The following NTN4 variants were observed in gnomAD, a reference collection of about 807,000 sequenced individuals.
NTN4 encodes the protein netrin 4, also known as netrin-4.
In NTN4, 32 loss-of-function variants were observed where a neutral mutation model predicts 73.6. That is an observed-to-expected ratio of 0.44 (90% confidence interval 0.33 to 0.58). The LOEUF (loss-of-function observed/expected upper bound fraction) is 0.58, where lower values mean the gene tolerates loss of function less well. NTN4 is among the 20% of genes least tolerant of loss of function. The pLI is 0.04. For synonymous variants in NTN4, 258 were observed against 287.5 expected (o/e 0.90, Z 1.04); for missense variants, 654 against 798.3 (o/e 0.82, Z 2.18).
At chr12:95,680,743 G>A (rs1225179302) in intron 7 of NTN4, among the ~76,000 whole-genome samples, 1 of 152,116 alleles carries the variant, frequency 6.6e-6, no homozygotes, top group East Asian at 1.9e-4. Context: ...CTCTTTCTAT[G>A]TTGTCCCAGA....
chr12:95,769,917 C>T lies in NTN4; in HGVS notation c.585+17022G>A, dbSNP rs192635669. Among the ~76,000 whole-genome samples, 52 of 152,140 alleles carry T rather than the reference C, an allele frequency of 3.4e-4. No individual in the cohort carries two copies. The East Asian group carries it at 7.2e-3, about 21-fold the overall frequency. On this transcript the variant is annotated intron_variant, in intron 2 of 9. Coordinates refer to ENST00000343702, the MANE Select transcript of NTN4 (RefSeq NM_021229.4). ...GATTATAAGCTTGCGCCACCACACCCGGCTAATTTTTGTCTTTTTTGTAGA... is the reference window on the plus strand; with the variant it reads ...GATTATAAGCTTGCGCCACCACACCTGGCTAATTTTTGTCTTTTTTGTAGA...
At chr12:95,680,732 G>A (rs1358464733) in intron 7 of NTN4, among the ~76,000 whole-genome samples, 3 of 152,076 alleles carry the variant, frequency 2.0e-5, no homozygotes, top group African/African-American at 4.8e-5. Flanking sequence ...TCAGAGATGG[G>A]CTCTTTCTAT....
intron 2 of NTN4, among the ~76,000 whole-genome samples, chr12:95,785,247 G>C (rs1174631637): frequency 6.6e-6 from 1 of 152,194 alleles, no homozygotes; most frequent in Admixed American, 6.5e-5. Context: ...GATACACAAG[G>C]CCCAGTAGCA....
rs1565903678 is a variant in NTN4 at position 95,741,438 on chromosome 12, TATATATATA to T, written c.586-3303_586-3295del. Reference sequence around the variant, plus strand: ...AAATTATGTATAAATTATATATATATATATATATATATATATATATATATATATATATAT... The same window carrying T: ...AAATTATGTATAAATTATATATATATTATATATATATATATATATATATAT... On this transcript the variant is annotated intron_variant, in intron 2 of 9. Transcript: ENST00000343702. Among the ~76,000 whole-genome samples, 437 of 101,048 alleles carry T rather than the reference TATATATATA, an allele frequency of 4.3e-3. 11 individuals are homozygous for T. The highest frequency in any genetic ancestry group is 8.7e-3 in the African/African-American group (239 of 27,518). 66.3% of individuals were successfully genotyped at this position (101,048 alleles called of 152,430 possible). A position where few individuals can be genotyped will look rare whatever the true frequency, so the allele number is the denominator to read the frequency against.
At chr12:95,741,463 A>ATC (rs1565903719) in intron 2 of NTN4, among the ~76,000 whole-genome samples, 126 of 119,804 alleles carry the variant, frequency 1.1e-3, no homozygotes, top group African/African-American at 3.9e-3. Flanking sequence ...ATATATATAT[A>ATC]TATATATATA....
At chr12:95,771,047 T>C (rs1483722694) in intron 2 of NTN4, among the ~76,000 whole-genome samples, 1 of 147,454 alleles carries the variant, frequency 6.8e-6, no homozygotes, top group African/African-American at 2.6e-5. Context: ...TGGAGTGCAG[T>C]GGCGCGATCT....
intron 2 of NTN4, among the ~76,000 whole-genome samples, chr12:95,750,627 C>G (rs1487314614): frequency 6.6e-6 from 1 of 152,026 alleles, no homozygotes; most frequent in Non-Finnish European, 1.5e-5. Flanking sequence ...CCCTTCCTAG[C>G]CTCTGTGCCC....
At chr12:95,755,549 C>T (rs568928924) in intron 2 of NTN4, among the ~76,000 whole-genome samples, 123 of 152,268 alleles carry the variant, frequency 8.1e-4, no homozygotes, top group African/African-American at 2.9e-3. Context: ...GCACCAAAAT[C>T]CTTTTGCTTA....
chr12:95,668,490 T>C (rs2078200434), intron 8 of NTN4, among the ~76,000 whole-genome samples: 1 of 152,216 alleles, frequency 6.6e-6, no homozygotes, highest in Non-Finnish European at 1.5e-5. Context: ...TTCTATTGTT[T>C]AGCCAAGTTA....
intron 5 of NTN4, among the ~76,000 whole-genome samples, chr12:95,701,931 C>T (rs775165720): frequency 3.9e-5 from 6 of 152,128 alleles, no homozygotes; most frequent in Non-Finnish European, 8.8e-5. Flanking sequence ...GGAAGAACAT[C>T]ATCAATTTGT....
At chr12:95,742,583 C>A (rs2078834705) in intron 2 of NTN4, among the ~76,000 whole-genome samples, 1 of 152,164 alleles carries the variant, frequency 6.6e-6, no homozygotes, top group Non-Finnish European at 1.5e-5. Flanking sequence ...TAAATGTGAT[C>A]ATATTTTTAA....
At chr12:95,755,133 C>T (rs1233167456) in intron 2 of NTN4, among the ~76,000 whole-genome samples, 2 of 152,156 alleles carry the variant, frequency 1.3e-5, no homozygotes, top group African/African-American at 2.4e-5. Context: ...ATATGTAATT[C>T]GCAGACTAGT....
In NTN4 at chr12:95,781,215, A is replaced by G. The variant is rs1013251498; in HGVS notation, c.585+5724T>C. On this transcript the variant is annotated intron_variant, in intron 2 of 9. Coordinates refer to ENST00000343702, the MANE Select transcript of NTN4 (RefSeq NM_021229.4). The surrounding 1 kb of genome is among the most constrained non-coding windows in gnomAD (Gnocchi z 4.1). Reference sequence around the variant, plus strand: ...TATACCTTATGTAAATGACGAGTTAATGGGTGCAGCACACCAGCATGGCAC... The same window carrying G: ...TATACCTTATGTAAATGACGAGTTAGTGGGTGCAGCACACCAGCATGGCAC... 6.6e-6 allele frequency among the ~76,000 whole-genome samples: 1 copy of G among 152,214 alleles called. No homozygotes were observed. The highest frequency in any genetic ancestry group is 1.5e-5 in the Non-Finnish European group (1 of 68,048).
At chr12:95,728,281 A>C (rs2078710363) in intron 3 of NTN4, among the ~76,000 whole-genome samples, 1 of 152,080 alleles carries the variant, frequency 6.6e-6, no homozygotes, top group African/African-American at 2.4e-5. Flanking sequence ...CTCTTTACTT[A>C]TTTTTCTAGC....
chr12:95,696,581 G>A (rs755210920), intron 5 of NTN4, among the ~76,000 whole-genome samples: 1 of 152,032 alleles, frequency 6.6e-6, no homozygotes, highest in Non-Finnish European at 1.5e-5. Context: ...ACTCACCTTT[G>A]TTACATTAAT....
chr12:95,733,999 G>C (rs1056220870), intron 3 of NTN4, among the ~76,000 whole-genome samples: 5 of 151,236 alleles, frequency 3.3e-5, no homozygotes, highest in Non-Finnish European at 5.9e-5. Context: ...GAACCCGGGA[G>C]GGGGAGGTTG....
At chr12:95,699,731 T>G (rs1177554631) in intron 5 of NTN4, among the ~76,000 whole-genome samples, 1 of 152,180 alleles carries the variant, frequency 6.6e-6, no homozygotes, top group Non-Finnish European at 1.5e-5. Context: ...TGGTAAATGC[T>G]TGGTTTGGGT....
intron 9 of NTN4, among the ~76,000 whole-genome samples, chr12:95,661,637 C>A (rs1476047358): frequency 6.6e-6 from 1 of 152,160 alleles, no homozygotes; most frequent in Non-Finnish European, 1.5e-5. Flanking sequence ...ATGAAGCACA[C>A]CATGATCTCT....
chr12:95,681,413 C>T (rs774908197), intron 7 of NTN4, among the ~76,000 whole-genome samples: 10 of 152,126 alleles, frequency 6.6e-5, no homozygotes, highest in South Asian at 6.2e-4. Context: ...GAAACAATTA[C>T]GGCAAAGTGT....
Sources: gnomAD v4.1 joint callset for allele counts (sites outside exome capture counted in the v4.1 genomes callset) on GRCh38, gnomAD v4.1.1 for gene constraint, Gnocchi (gnomAD v3.1) non-coding constraint, MANE v1.5 for transcripts, NCBI Gene and HGNC (gene_info 2026-07-23, HGNC 2026-07-21) for gene names.